DCLK1: variants seen among roughly 807,000 people sequenced by gnomAD.
The protein encoded by DCLK1 is serine/threonine-protein kinase DCLK1.
Under a neutral mutation model 86.2 loss-of-function variants are expected in DCLK1, and 16 were observed. The ratio of observed to expected loss-of-function variants is 0.19; its 90% CI spans 0.13 to 0.28. The LOEUF (loss-of-function observed/expected upper bound fraction) is 0.28, where lower values mean the gene tolerates loss of function less well. Among genes scored for constraint, DCLK1 ranks in the 10% least tolerant of loss-of-function variants. The pLI, the probability that DCLK1 is intolerant of heterozygous loss-of-function variation, is 1.00. For synonymous variants in DCLK1, 369 were observed against 370.5 expected (o/e 1.00, Z 0.05); for missense variants, 590 against 940.2 (o/e 0.63, Z 4.87).
chr13:35,797,882 T>C (rs2086844283), intron 15 of DCLK1, among the ~76,000 whole-genome samples: 1 of 152,176 alleles, frequency 6.6e-6, no homozygotes, highest in Non-Finnish European at 1.5e-5. Flanking sequence ...TAAATTTATA[T>C]ATATACATCT....
chr13:35,827,533 G>A, intron 10 of DCLK1, 102 bp downstream of exon 10: 1 of 1,400,074 alleles, frequency 7.1e-7, no homozygotes, highest in East Asian at 2.4e-5. Context: ...GTACAGAAAT[G>A]AGAACCTGAA....
intron 4 of DCLK1, among the ~76,000 whole-genome samples, chr13:35,945,384 G>A (rs1380850011): frequency 1.3e-5 from 2 of 152,158 alleles, no homozygotes; most frequent in Non-Finnish European, 2.9e-5. Flanking sequence ...TGTTGCGGAG[G>A]GGAAGCCCAG....
At chr13:35,931,082 A>G (rs1180846053) in intron 4 of DCLK1, among the ~76,000 whole-genome samples, 1 of 152,172 alleles carries the variant, frequency 6.6e-6, no homozygotes, top group Non-Finnish European at 1.5e-5. Context: ...AGGCTCCCTT[A>G]CGTTGTTTCC....
chr13:36,087,815 A>C (rs763504759), intron 3 of DCLK1, among the ~76,000 whole-genome samples: 7 of 152,158 alleles, frequency 4.6e-5, no homozygotes, highest in Non-Finnish European at 1.0e-4. Context: ...CTATTCTCCC[A>C]AGCCAAGGAT....
At chr13:35,924,091 T>C (rs116130041) in intron 4 of DCLK1, among the ~76,000 whole-genome samples, 261 of 152,268 alleles carry the variant, frequency 1.7e-3, no homozygotes, top group African/African-American at 6.1e-3. Flanking sequence ...CTCCCCAAAG[T>C]ATACTTCTCC....
intron 4 of DCLK1, among the ~76,000 whole-genome samples, chr13:35,880,300 G>A (rs907417318): frequency 6.6e-6 from 1 of 152,180 alleles, no homozygotes; most frequent in Non-Finnish European, 1.5e-5. Flanking sequence ...ATGTCATGGG[G>A]CAGAGGTTAG....
intron 10 of DCLK1, among the ~76,000 whole-genome samples, chr13:35,826,855 G>A (rs1868513228): frequency 6.6e-6 from 1 of 152,054 alleles, no homozygotes; most frequent in African/African-American, 2.4e-5. Flanking sequence ...TGCAGAAGGC[G>A]GTGCAACCAA....
At chr13:35,974,092 A>T (rs953613442) in intron 3 of DCLK1, among the ~76,000 whole-genome samples, 1 of 152,240 alleles carries the variant, frequency 6.6e-6, no homozygotes, top group Non-Finnish European at 1.5e-5. Context: ...TAAAACAAAT[A>T]AAACAAAATG....
At chr13:36,077,003 G>A (rs991961141) in intron 3 of DCLK1, among the ~76,000 whole-genome samples, 2 of 152,144 alleles carry the variant, frequency 1.3e-5, no homozygotes, top group African/African-American at 2.4e-5. Flanking sequence ...AAGCTGGAGA[G>A]GAGGAGGGAG....
chr13:36,014,317 A>G (rs1456544002), intron 3 of DCLK1, among the ~76,000 whole-genome samples: 2 of 152,236 alleles, frequency 1.3e-5, no homozygotes, highest in Non-Finnish European at 2.9e-5. Flanking sequence ...AATTCTTGCC[A>G]TTGGAAATGC....
intron 3 of DCLK1, among the ~76,000 whole-genome samples, chr13:35,976,373 T>C (rs565700386): frequency 3.9e-5 from 6 of 151,952 alleles, no homozygotes; most frequent in Non-Finnish European, 8.8e-5. Context: ...GCTGGCACAG[T>C]GCTCACCGTC....
intron 6 of DCLK1, among the ~76,000 whole-genome samples, chr13:35,852,249 C>T (rs1870704836): frequency 6.6e-6 from 1 of 152,148 alleles, no homozygotes; most frequent in South Asian, 2.1e-4. Flanking sequence ...GAAACAGGAT[C>T]AGTTTTTAGG....
chr13:35,855,401 A>G (rs1870974386), intron 5 of DCLK1: 5 of 1,098,366 alleles, frequency 4.6e-6, no homozygotes, highest in South Asian at 4.5e-5. Context: ...TAAAAATGGC[A>G]TTACAGCCCC....
chr13:35,843,607 C>T (rs574801173), intron 6 of DCLK1, among the ~76,000 whole-genome samples: 20 of 152,230 alleles, frequency 1.3e-4, no homozygotes, highest in Middle Eastern at 3.4e-3. Flanking sequence ...CAGCTGGGGT[C>T]CATGCTGCAT....
chr13:35,970,509 T>C (rs1302096752), intron 3 of DCLK1, among the ~76,000 whole-genome samples: 2 of 152,206 alleles, frequency 1.3e-5, no homozygotes, highest in African/African-American at 2.4e-5. Flanking sequence ...TAGGCCGTGA[T>C]GGTTCAACCC....
intron 4 of DCLK1, among the ~76,000 whole-genome samples, chr13:35,932,109 T>A (rs1290176504): frequency 6.6e-6 from 1 of 152,208 alleles, no homozygotes; most frequent in Non-Finnish European, 1.5e-5. Flanking sequence ...TAAGGTAGAC[T>A]ACCCTCTCCA....
chr13:36,066,725 A>G (rs955377935), intron 3 of DCLK1, among the ~76,000 whole-genome samples: 7 of 152,036 alleles, frequency 4.6e-5, no homozygotes, highest in Admixed American at 4.6e-4. Context: ...AAAACAAACA[A>G]CCCCATCAAC....
intron 3 of DCLK1, among the ~76,000 whole-genome samples, chr13:35,957,435 G>A (rs1007898679): frequency 6.6e-6 from 1 of 152,190 alleles, no homozygotes. Flanking sequence ...AGCCTGGGAT[G>A]AGTGCTGAGA....
chr13:35,867,962 A>AG (rs1491230616), intron 5 of DCLK1, among the ~76,000 whole-genome samples: 1 of 150,570 alleles, frequency 6.6e-6, no homozygotes, highest in African/African-American at 2.4e-5. Context: ...AGAAAGAAAG[A>AG]AAGAGAAAAA....
Sources: gnomAD v4.1 joint callset for allele counts (sites outside exome capture counted in the v4.1 genomes callset) on GRCh38, gnomAD v4.1.1 for gene constraint, MANE v1.5 for transcripts, NCBI Gene and HGNC (gene_info 2026-07-23, HGNC 2026-07-21) for gene names.